EYS: variants seen among roughly 807,000 people sequenced by gnomAD.
EYS encodes the protein protein eyes shut homolog.
Under a neutral mutation model 282.1 loss-of-function variants are expected in EYS, and 250 were observed. That is an observed-to-expected ratio of 0.89 (90% CI 0.80 to 0.98). EYS has a LOEUF of 0.98. Ranked by LOEUF, EYS falls within the 50% of genes least tolerant of loss-of-function variation. The pLI, the probability that EYS is intolerant of heterozygous loss-of-function variation, is 0.00. For missense variants in EYS, 4,016 were observed against 3,709.0 expected (o/e 1.08, Z -2.15); for synonymous variants, 1,355 against 1,282.9 (o/e 1.06, Z -1.20).
intron 19 of EYS, among the ~76,000 whole-genome samples, chr6:64,878,912 C>G (rs1049327852): frequency 1.3e-5 from 2 of 152,082 alleles, no homozygotes; most frequent in Non-Finnish European, 2.9e-5. Context: ...CAACTTCTAT[C>G]CTCCTGGTGT....
chr6:65,062,803 T>C (rs1773617925), intron 12 of EYS, among the ~76,000 whole-genome samples: 1 of 151,998 alleles, frequency 6.6e-6, no homozygotes, highest in Admixed American at 6.6e-5. Flanking sequence ...AAGAGGATTA[T>C]CTTTACTATC....
At chr6:65,000,529 C>T (rs910785352) in intron 13 of EYS, among the ~76,000 whole-genome samples, 7 of 152,020 alleles carry the variant, frequency 4.6e-5, no homozygotes, top group South Asian at 4.1e-4. Context: ...CCCAGCACTT[C>T]GGGAGGCCGA....
chr6:65,068,443 G>T lies in EYS; in HGVS notation c.2024-10716C>A, dbSNP rs1773810812. Reference sequence around the variant, plus strand: ...ATTTCTCCCATTACACTTTTACTTTGACCTTCAGGCCTTTGTACTATTTTT... The same window carrying T: ...ATTTCTCCCATTACACTTTTACTTTTACCTTCAGGCCTTTGTACTATTTTT... On this transcript the variant is annotated intron_variant, in intron 12 of 42. Transcript: ENST00000503581. Among the ~76,000 whole-genome samples, 3 of 151,880 alleles carry T rather than the reference G, an allele frequency of 2.0e-5. No individual in the cohort carries two copies. The South Asian group carries it at 6.2e-4, about 31-fold the overall frequency.
chr6:63,723,468 TAG>T (rs1264435629), intron 42 of EYS, among the ~76,000 whole-genome samples: 1 of 152,130 alleles, frequency 6.6e-6, no homozygotes, highest in Non-Finnish European at 1.5e-5. Context: ...CCTTGTGTTG[TAG>T]AGTGTTCCTG....
intron 12 of EYS, among the ~76,000 whole-genome samples, chr6:65,078,364 C>T (rs1232525385): frequency 6.6e-6 from 1 of 150,584 alleles, no homozygotes; most frequent in African/African-American, 2.5e-5. Context: ...TAATCTATGC[C>T]CTGCAGTTCA....
chr6:64,854,406 G>A (rs1013134928), intron 19 of EYS, among the ~76,000 whole-genome samples: 16 of 151,994 alleles, frequency 1.1e-4, no homozygotes, highest in African/African-American at 3.9e-4. Flanking sequence ...GGAATACTAT[G>A]CAGCCATAAA....
chr6:64,452,282 C>T (rs1319878936), intron 26 of EYS, among the ~76,000 whole-genome samples: 1 of 151,992 alleles, frequency 6.6e-6, no homozygotes, highest in East Asian at 1.9e-4. Context: ...AATAAAATAC[C>T]TAGGAATCCA....
chr6:64,027,792 CAG>C (rs1173950584), intron 33 of EYS, among the ~76,000 whole-genome samples: 1 of 152,222 alleles, frequency 6.6e-6, no homozygotes, highest in East Asian at 1.9e-4. Context: ...AGCCCCCAAA[CAG>C]ATGATCCAAC....
At chr6:65,673,628 C>T (rs971399814) in intron 1 of EYS, among the ~76,000 whole-genome samples, 2 of 151,940 alleles carry the variant, frequency 1.3e-5, no homozygotes, top group Non-Finnish European at 1.5e-5. Flanking sequence ...ACCATTAGTC[C>T]ATTCTACGTT....
chr6:64,417,895 C>T (rs1385501988), intron 28 of EYS, among the ~76,000 whole-genome samples: 1 of 152,154 alleles, frequency 6.6e-6, no homozygotes, highest in African/African-American at 2.4e-5. Context: ...TAGTCTTGAA[C>T]TCCAGACCTC....
chr6:64,752,597 G>C (rs1268756639), intron 22 of EYS, among the ~76,000 whole-genome samples: 3 of 152,104 alleles, frequency 2.0e-5, no homozygotes, highest in Non-Finnish European at 4.4e-5. Flanking sequence ...GAATGATTGA[G>C]GAAAACTACC....
Position 64,578,609 on chromosome 6 carries a change from G to T in EYS, c.5644+11614C>A, listed in dbSNP as rs555467732. Among the ~76,000 whole-genome samples the T allele has an allele frequency of 8.0e-5, 12 of 149,616 alleles. No homozygotes were observed. The South Asian group carries it at 2.6e-3, about 32-fold the overall frequency. On this transcript the variant is annotated intron_variant, in intron 26 of 42. Transcript: ENST00000503581. The stretch of plus-strand genomic sequence containing the variant: ...TTTCTCTCTCTCTTTGTGTGTGTGT[G>T]TGTGTGTGTGTGGTGTGTGTGTGTG...
intron 31 of EYS, among the ~76,000 whole-genome samples, chr6:64,199,102 A>C (rs1765385560): frequency 6.6e-6 from 1 of 152,106 alleles, no homozygotes; most frequent in Admixed American, 6.5e-5. Flanking sequence ...TTTCATATGG[A>C]ACCAAAAAAG....
intron 12 of EYS, among the ~76,000 whole-genome samples, chr6:65,286,527 C>T (rs143323296): frequency 2.1e-4 from 32 of 151,836 alleles, no homozygotes; most frequent in African/African-American, 7.5e-4. Context: ...CAGAAATATA[C>T]ATATATCTTC....
rs1184189987 is a variant in EYS at position 65,306,980 on chromosome 6, C to T, written c.1767-10861G>A. Among the ~76,000 whole-genome samples the T allele has an allele frequency of 8.8e-5, 12 of 136,464 alleles. No individual in the cohort carries two copies. The South Asian group carries it at 9.5e-4, about 11-fold the overall frequency. 89.5% of individuals were successfully genotyped at this position (136,464 alleles called of 152,430 possible). On this transcript the variant is annotated intron_variant, in intron 11 of 42. Transcript: ENST00000503581. ...GCGTATTTTTAAGTTTGGGAGTATGCGTCTAGAGTAAGTTTTTCTTTAGGG... is the reference window on the plus strand; with the variant it reads ...GCGTATTTTTAAGTTTGGGAGTATGTGTCTAGAGTAAGTTTTTCTTTAGGG...
At chr6:65,695,061 T>C (rs1718073828) in intron 1 of EYS, among the ~76,000 whole-genome samples, 1 of 152,028 alleles carries the variant, frequency 6.6e-6, no homozygotes, top group Admixed American at 6.6e-5. Flanking sequence ...GTGAAAAATA[T>C]ACATTTTACA....
chr6:64,684,077 C>A (rs537589047), intron 22 of EYS, among the ~76,000 whole-genome samples: 1 of 152,110 alleles, frequency 6.6e-6, no homozygotes. Flanking sequence ...CCTTCACCTT[C>A]GTTTCAGAGC....
chr6:64,480,943 C>T (rs1360828317), intron 26 of EYS, among the ~76,000 whole-genome samples: 1 of 151,420 alleles, frequency 6.6e-6, no homozygotes, highest in Non-Finnish European at 1.5e-5. Flanking sequence ...ACTTTTTTTT[C>T]AGGTATTGAT....
At chr6:64,484,139 T>C (rs984080775) in intron 26 of EYS, among the ~76,000 whole-genome samples, 7 of 151,572 alleles carry the variant, frequency 4.6e-5, no homozygotes, top group African/African-American at 1.7e-4. Flanking sequence ...GTTTATGGTG[T>C]TCCTGTTTAT....
Sources: allele counts gnomAD v4.1 joint callset (sites outside exome capture counted in the v4.1 genomes callset), GRCh38; gene constraint gnomAD v4.1.1; transcripts MANE v1.5; gene names NCBI Gene and HGNC (gene_info 2026-07-23, HGNC 2026-07-21).